Variants in RAB11FIP4 observed in about 807,000 individuals in gnomAD.
The protein encoded by RAB11FIP4 is RAB11 family interacting protein 4.
A neutral mutation model predicts 74.3 loss-of-function variants in RAB11FIP4; 23 were observed. The ratio of observed to expected loss-of-function variants is 0.31; its 90% CI spans 0.22 to 0.44. The LOEUF is 0.44. Among genes scored for constraint, RAB11FIP4 ranks in the 20% least tolerant of loss-of-function variants. The pLI is 1.00. For synonymous variants in RAB11FIP4, 360 were observed against 359.9 expected, an observed-to-expected ratio of 1.00 and a Z score of 0.00; for missense variants, 630 against 863.9, an observed-to-expected ratio of 0.73 and a Z score of 3.39.
intron 3 of RAB11FIP4, among the ~76,000 whole-genome samples, chr17:31,470,933 T>G (rs889636260): frequency 4.6e-5 from 7 of 152,204 alleles, no homozygotes; most frequent in African/African-American, 1.7e-4. Context: ...CAGTTTTCTG[T>G]AGAAGTTTTA....
chr17:31,411,658 A>C (rs761951254), intron 1 of RAB11FIP4, among the ~76,000 whole-genome samples: 7 of 152,208 alleles, frequency 4.6e-5, no homozygotes, highest in Admixed American at 1.3e-4. Flanking sequence ...GGCCTCAATC[A>C]TGGATGAGGC....
At chr17:31,483,598 C>T (rs952723476) in intron 3 of RAB11FIP4, among the ~76,000 whole-genome samples, 3 of 152,194 alleles carry the variant, frequency 2.0e-5, no homozygotes, top group Non-Finnish European at 4.4e-5. Flanking sequence ...TTCCCTTTTG[C>T]GAAGTCTCCA....
At chr17:31,531,238 G>C (rs757894043) in intron 14 of RAB11FIP4, 1 of 190,526 alleles carries the variant, frequency 5.2e-6, no homozygotes, top group African/African-American at 2.3e-5. Flanking sequence ...GTGGGGAGAG[G>C]TGTTCCAGGC....
chr17:31,519,007 C>CTTTTTTT (rs1190316585), intron 4 of RAB11FIP4, among the ~76,000 whole-genome samples: 11 of 73,978 alleles, frequency 1.5e-4, no homozygotes, highest in Non-Finnish European at 1.7e-4. Flanking sequence ...TAAGTTTTGT[C>CTTTTTTT]TTTTTTTTTT....
chr17:31,492,905 A>G (rs1277908119), intron 3 of RAB11FIP4, among the ~76,000 whole-genome samples: 1 of 152,070 alleles, frequency 6.6e-6, no homozygotes, highest in African/African-American at 2.4e-5. Context: ...GAGCACCCAG[A>G]CAACCTTGGT....
At position 31,512,595 on chromosome 17, in the gene RAB11FIP4, C is replaced by T. The variant is rs1255267759; in HGVS notation, c.337-5056C>T. 6.6e-6 allele frequency among the ~76,000 whole-genome samples: 1 copy of T among 152,144 alleles called. No homozygotes were observed. The highest frequency in any genetic ancestry group is 2.4e-5 in the African/African-American group (1 of 41,438). On this transcript the variant is annotated intron_variant, in intron 3 of 14. Transcript: ENST00000621161. The surrounding 1 kb of genome is among the most constrained non-coding windows in gnomAD (Gnocchi z 4.1). ...GGCCTATGGTGGCTGGCCCTGTGTCCCAGGGTACAGGGAGCTGTGAGCTCA... is the reference window on the plus strand; with the variant it reads ...GGCCTATGGTGGCTGGCCCTGTGTCTCAGGGTACAGGGAGCTGTGAGCTCA...
chr17:31,514,763 G>T (rs546830212), intron 3 of RAB11FIP4, among the ~76,000 whole-genome samples: 44 of 152,326 alleles, frequency 2.9e-4, no homozygotes, highest in African/African-American at 9.4e-4. Flanking sequence ...TCTCCCTCCT[G>T]CCTTGTTTCT....
At chr17:31,523,352 G>C in intron 7 of RAB11FIP4, 160 bp from the exon 8 acceptor site, 1 of 665,488 alleles carries the variant, frequency 1.5e-6, no homozygotes, top group South Asian at 1.7e-5. Flanking sequence ...GGGGTGATCC[G>C]CTGAGTTTGG....
At chr17:31,461,096 A>G (rs1250977253) in intron 3 of RAB11FIP4, among the ~76,000 whole-genome samples, 1 of 119,248 alleles carries the variant, frequency 8.4e-6, no homozygotes, top group Non-Finnish European at 1.7e-5. Context: ...ACCCCTACTC[A>G]TAGCCCTTGC....
intron 3 of RAB11FIP4, among the ~76,000 whole-genome samples, chr17:31,505,687 TATA>T (rs202135596): frequency 0.018 from 1,401 of 80,006 alleles, 42 homozygotes; most frequent in African/African-American, 0.053. Flanking sequence ...TATTATAATA[TATA>T]ATAATTATAT....
At chr17:31,522,141 C>A in intron 6 of RAB11FIP4, 92 bp downstream of exon 6, 1 of 1,533,278 alleles carries the variant, frequency 6.5e-7, no homozygotes, top group Non-Finnish European at 9.0e-7. Flanking sequence ...GCGACCCCTG[C>A]TGTCTGGGCA....
At chr17:31,435,123 C>A (rs1281097990) in intron 3 of RAB11FIP4, among the ~76,000 whole-genome samples, 2 of 152,168 alleles carry the variant, frequency 1.3e-5, no homozygotes, top group South Asian at 4.1e-4. Context: ...TAGTTTGAGA[C>A]TTCAGTGAGC....
intron 1 of RAB11FIP4, among the ~76,000 whole-genome samples, chr17:31,402,020 A>G (rs1377494372): frequency 6.6e-6 from 1 of 151,742 alleles, no homozygotes; most frequent in Non-Finnish European, 1.5e-5. Flanking sequence ...CCCATCCATC[A>G]TCCCTTCCAT....
At chr17:31,456,109 C>G (rs1181179400) in intron 3 of RAB11FIP4, among the ~76,000 whole-genome samples, 3 of 152,242 alleles carry the variant, frequency 2.0e-5, no homozygotes, top group African/African-American at 7.2e-5. Flanking sequence ...TACGTCTTTA[C>G]TGTTGTACAT....
At chr17:31,425,664 T>C (rs1262415266) in intron 1 of RAB11FIP4, among the ~76,000 whole-genome samples, 1 of 152,056 alleles carries the variant, frequency 6.6e-6, no homozygotes, top group African/African-American at 2.4e-5. Flanking sequence ...AAAGGAAAGA[T>C]CAATATTTTA....
At chr17:31,466,912 T>C (rs2071691215) in intron 3 of RAB11FIP4, among the ~76,000 whole-genome samples, 2 of 152,212 alleles carry the variant, frequency 1.3e-5, no homozygotes, top group Admixed American at 1.3e-4. Context: ...TCAAAGCTTA[T>C]TTCCATTTTT....
chr17:31,445,017 T>C (rs776939717), intron 3 of RAB11FIP4, among the ~76,000 whole-genome samples: 5 of 152,114 alleles, frequency 3.3e-5, no homozygotes, highest in Non-Finnish European at 5.9e-5. Flanking sequence ...CAGTGGGGAC[T>C]CTGGGTTAGC....
intron 1 of RAB11FIP4, among the ~76,000 whole-genome samples, chr17:31,422,447 G>C (rs1336052940): frequency 6.6e-6 from 1 of 152,188 alleles, no homozygotes; most frequent in Non-Finnish European, 1.5e-5. Flanking sequence ...GAGTGTTGAA[G>C]TCTCCAACTA....
chr17:31,422,691 C>CTG (rs2071211422), intron 1 of RAB11FIP4, among the ~76,000 whole-genome samples: 1 of 152,106 alleles, frequency 6.6e-6, no homozygotes, highest in South Asian at 2.1e-4. Flanking sequence ...TTGATCCAAT[C>CTG]CAATGAACTT....
Sources: allele counts gnomAD v4.1 joint callset (sites outside exome capture counted in the v4.1 genomes callset), GRCh38; gene constraint gnomAD v4.1.1; non-coding constraint Gnocchi (gnomAD v3.1); transcripts MANE v1.5; gene names NCBI Gene and HGNC (gene_info 2026-07-23, HGNC 2026-07-21).